Variants in RAB11FIP5 observed in about 807,000 individuals in gnomAD.
The protein encoded by RAB11FIP5 is rab11 family-interacting protein 5.
A neutral mutation model predicts 85.1 loss-of-function variants in RAB11FIP5; 48 were observed. The observed-to-expected ratio is 0.56, with a 90% CI of 0.45 to 0.72. The LOEUF is 0.72. Among genes scored for constraint, RAB11FIP5 ranks in the 30% least tolerant of loss-of-function variants. RAB11FIP5 has a pLI of 0.00. For missense variants in RAB11FIP5, 1,491 were observed against 1,687.0 expected (o/e 0.88, Z 2.04); for synonymous variants, 729 against 727.3 (o/e 1.00, Z -0.04).
intron 1 of RAB11FIP5, among the ~76,000 whole-genome samples, chr2:73,096,672 G>T (rs1684325653): frequency 6.6e-6 from 1 of 152,010 alleles, no homozygotes; most frequent in African/African-American, 2.4e-5. Flanking sequence ...TCACCCCATA[G>T]TCCCATCCAC....
At position 73,088,851 on chromosome 2, in the gene RAB11FIP5, C is replaced by T. The variant is rs564780556; in HGVS notation, c.868+28G>A. On this transcript the variant is annotated intron_variant, in intron 2 of 5. Transcript: ENST00000486777. ...AAGGGGAGAGCCAGTGCCCCCCTCC[C>T]CAGGGCGGCGGCCCTGTGCTTGCTC... is the stretch of plus-strand genomic sequence containing the variant. 1.2e-5 allele frequency: 19 copies of T among 1,543,278 alleles called. No individual in the cohort carries two copies. The South Asian group carries it at 2.0e-4, about 16-fold the overall frequency.
At chr2:73,079,598 GC>G in intron 4 of RAB11FIP5, 52 bp downstream of exon 4, 1 of 1,232,516 alleles carries the variant, frequency 8.1e-7, no homozygotes, top group Non-Finnish European at 1.0e-6. Context: ...GGGCTGTTCT[GC>G]CCCCTGTCCA....
Position 73,088,604 on chromosome 2 carries a change from G to A in RAB11FIP5, c.1014C>T (p.Val338=). The A allele has an allele frequency of 1.2e-6, 2 of 1,613,558 alleles. No homozygotes were observed. The highest frequency in any genetic ancestry group is 1.6e-4 in the Middle Eastern group (1 of 6,062). The change falls in exon 3 of 6, where the codon GTC becomes GTT. Residue 338 remains valine, a synonymous_variant. Transcript: ENST00000486777. ...CCTCATTGTAAATGTGGCTCCCATT[G>A]ACACAGAGCGAAGAGCGGGAGGCAG... is the stretch of plus-strand genomic sequence containing the variant. The part of the protein sequence containing the change: ...LDAASRSSLC[V]NGSHIYNEEP...
rs1684683632 is a variant in RAB11FIP5 at position 73,112,486 on chromosome 2, A to C, written c.292T>G (p.Trp98Gly). The C allele has an allele frequency of 6.7e-7, 1 of 1,486,824 alleles. No homozygotes were observed. Among genetic ancestry groups the C allele is most frequent in the Non-Finnish European group, 8.9e-7 (1 of 1,123,496 alleles). The allele number at this position is 1,486,824 out of a possible 1,614,324, so 92.1% of individuals were successfully genotyped here. Residue 98 changes from tryptophan to glycine, a missense_variant, in exon 1 of 6, where the codon TGG (tryptophan) becomes GGG (glycine). Around this residue, in one of 3 missense-constraint regions of RAB11FIP5, gnomAD observed 1,211 missense variants for 1,338.0 expected, o/e 0.91. Coordinates refer to ENST00000486777, the MANE Select transcript of RAB11FIP5 (RefSeq NM_001371272.1). ...CAGGCGGCGGCGGAGCTCGCGGCCC[A>C]GGGCGCCGGGCCCGCGTCGGCCTCC... ...AQEADAGPAPWAASSAAACEL... is the reference protein window; with the variant it reads ...AQEADAGPAPGAASSAAACEL...
chr2:73,077,436 C>T (rs1231192608), intron 4 of RAB11FIP5, among the ~76,000 whole-genome samples: 2 of 152,212 alleles, frequency 1.3e-5, no homozygotes, highest in Non-Finnish European at 1.5e-5. Context: ...AAATCAGCTC[C>T]TCCATCTCAG....
chr2:73,107,422 C>G (rs943590719), intron 1 of RAB11FIP5, among the ~76,000 whole-genome samples: 1 of 152,206 alleles, frequency 6.6e-6, no homozygotes, highest in African/African-American at 2.4e-5. Flanking sequence ...GGACAGCCCT[C>G]AAGGTCACCG....
chr2:73,107,826 G>A (rs934971860), intron 1 of RAB11FIP5, among the ~76,000 whole-genome samples: 6 of 152,168 alleles, frequency 3.9e-5, no homozygotes, highest in Non-Finnish European at 8.8e-5. Context: ...GGCCGAGCAG[G>A]AGCCAAGGCC....
At chr2:73,095,419 C>T (rs762871977) in intron 1 of RAB11FIP5, among the ~76,000 whole-genome samples, 2 of 152,152 alleles carry the variant, frequency 1.3e-5, no homozygotes, top group Non-Finnish European at 2.9e-5. Flanking sequence ...TATTCTGATA[C>T]CCAAAGTGTA....
chr2:73,099,483 C>T (rs1574302748), intron 1 of RAB11FIP5, among the ~76,000 whole-genome samples: 3 of 152,142 alleles, frequency 2.0e-5, no homozygotes, highest in Admixed American at 6.5e-5. Context: ...CCTCCCTGCC[C>T]GCTGCATGGC....
At position 73,089,650 on chromosome 2, in the gene RAB11FIP5, A is replaced by G. The variant is rs1684170067; in HGVS notation, c.432-335T>C. On this transcript the variant is annotated intron_variant, in intron 1 of 5. Transcript: ENST00000486777. The surrounding 1 kb of genome is among the most constrained non-coding windows in gnomAD (Gnocchi z 4.6). The stretch of plus-strand genomic sequence containing the variant: ...ACCTCTCCTCTGCCCCATCTCCCCT[A>G]CATCTGAAACTCTGAGGCCCAGAGG... The G allele has an allele frequency of 5.1e-6, 2 of 393,156 alleles. No individual in the cohort carries two copies. The highest frequency in any genetic ancestry group is 2.1e-5 in the African/African-American group (1 of 48,296). The allele number at this position is 393,156 out of a possible 1,614,324, so 24.4% of individuals were successfully genotyped here. A position where few individuals can be genotyped will look rare whatever the true frequency, so the allele number is the denominator to read the frequency against.
At chr2:73,099,290 T>A (rs1181757200) in intron 1 of RAB11FIP5, among the ~76,000 whole-genome samples, 1 of 152,178 alleles carries the variant, frequency 6.6e-6, no homozygotes, top group Non-Finnish European at 1.5e-5. Context: ...CCTCAGGTGA[T>A]CTGCCCACCT....
chr2:73,099,869 A>G (rs185386039), intron 1 of RAB11FIP5, among the ~76,000 whole-genome samples: 27 of 152,280 alleles, frequency 1.8e-4, no homozygotes, highest in Admixed American at 4.6e-4. Flanking sequence ...CCTCTTCCAA[A>G]GACAGGCCTT....
In RAB11FIP5 at chr2:73,112,789, G is replaced by A. The variant is rs1275667311; in HGVS notation, c.-12C>T. ...CGCACCAGGGCCATGGCGGAGAAGC[G>A]GGGGGCGAGGTCTGGCCGAGCCGGT... On this transcript the variant is annotated 5_prime_UTR_variant, in exon 1 of 6. Coordinates refer to ENST00000486777, the MANE Select transcript of RAB11FIP5 (RefSeq NM_001371272.1). 6 of 1,418,198 alleles carry A rather than the reference G, an allele frequency of 4.2e-6. No homozygotes were observed. In the African/African-American group the frequency reaches 6.0e-5, roughly 14 times the overall value. 87.9% of individuals were successfully genotyped at this position (1,418,198 alleles called of 1,614,324 possible). A position where few individuals can be genotyped will look rare whatever the true frequency, so the allele number is the denominator to read the frequency against.
intron 1 of RAB11FIP5, among the ~76,000 whole-genome samples, chr2:73,098,404 C>T (rs759644395): frequency 5.3e-5 from 8 of 152,244 alleles, no homozygotes; most frequent in Admixed American, 2.0e-4. Context: ...ATTTGGAATA[C>T]GGGATCTTCA....
intron 1 of RAB11FIP5, among the ~76,000 whole-genome samples, chr2:73,096,666 C>A (rs548484487): frequency 1.3e-5 from 2 of 152,164 alleles, no homozygotes; most frequent in Non-Finnish European, 2.9e-5. Context: ...CCACTGTCAC[C>A]CCATAGTCCC....
rs1344554719 is a variant in RAB11FIP5, at chr2:73,112,790, G to C, written c.-13C>G. On this transcript the variant is annotated 5_prime_UTR_variant, in exon 1 of 6. Transcript: ENST00000486777. Reference sequence around the variant, plus strand: ...GCACCAGGGCCATGGCGGAGAAGCGGGGGGCGAGGTCTGGCCGAGCCGGTG... The same window carrying C: ...GCACCAGGGCCATGGCGGAGAAGCGCGGGGCGAGGTCTGGCCGAGCCGGTG... 1.1e-5 allele frequency: 15 copies of C among 1,418,732 alleles called. No homozygotes were observed. In the East Asian group the frequency reaches 4.2e-4, roughly 40 times the overall value. The allele number at this position is 1,418,732 out of a possible 1,614,324, so 87.9% of individuals were successfully genotyped here.
rs1368521621 is a variant in RAB11FIP5 at position 73,073,460 on chromosome 2, G to A, written c.*2061C>T. Reference sequence around the variant, plus strand: ...GCTCTTTATAAAGAGCCTTAACTAGGAAGACAAACAGCAAAGCAGAACCAT... The same window carrying A: ...GCTCTTTATAAAGAGCCTTAACTAGAAAGACAAACAGCAAAGCAGAACCAT... On this transcript the variant is annotated 3_prime_UTR_variant, in exon 6 of 6. Coordinates refer to ENST00000486777, the MANE Select transcript of RAB11FIP5 (RefSeq NM_001371272.1). 2 of 152,622 alleles carry A rather than the reference G, an allele frequency of 1.3e-5. No individual in the cohort carries two copies. The highest frequency in any genetic ancestry group is 6.5e-5 in the Admixed American group (1 of 15,288). 9.5% of individuals were successfully genotyped at this position (152,622 alleles called of 1,614,324 possible). A position where few individuals can be genotyped will look rare whatever the true frequency, so the allele number is the denominator to read the frequency against.
At chr2:73,090,625 G>A (rs1400620412) in intron 1 of RAB11FIP5, among the ~76,000 whole-genome samples, 1 of 152,208 alleles carries the variant, frequency 6.6e-6, no homozygotes, top group Non-Finnish European at 1.5e-5. Context: ...ACATACATAA[G>A]TGAAAGAAGA....
In RAB11FIP5 at chr2:73,075,813, C is replaced by T; in HGVS notation, c.3772-89G>A. The T allele has an allele frequency of 6.7e-7, 1 of 1,485,400 alleles. No homozygotes were observed. The highest frequency in any genetic ancestry group is 1.4e-5 in the African/African-American group (1 of 71,724). 92.0% of individuals were successfully genotyped at this position (1,485,400 alleles called of 1,614,324 possible). ...GCCCGCCCGCCCGCCTGCCCACCAACACCTAAGTTTCACCACCACAGGGCC... is the reference window on the plus strand; with the variant it reads ...GCCCGCCCGCCCGCCTGCCCACCAATACCTAAGTTTCACCACCACAGGGCC... On this transcript the variant is annotated intron_variant, in intron 5 of 5. Coordinates refer to ENST00000486777, the MANE Select transcript of RAB11FIP5 (RefSeq NM_001371272.1). This position sits in a 1 kb window ranked among gnomAD's most constrained non-coding sequence, Gnocchi z 4.6.
Sources: allele counts gnomAD v4.1 joint callset (sites outside exome capture counted in the v4.1 genomes callset), GRCh38; gene constraint gnomAD v4.1.1; regional missense constraint gnomAD v4.1.1; non-coding constraint Gnocchi (gnomAD v3.1); transcripts MANE v1.5; gene names NCBI Gene and HGNC (gene_info 2026-07-23, HGNC 2026-07-21).